GRM5: variants seen among roughly 807,000 people sequenced by gnomAD.
The protein encoded by GRM5 is metabotropic glutamate receptor 5.
In GRM5, 19 loss-of-function variants were observed where a neutral mutation model predicts 83.1. The observed-to-expected ratio is 0.23, with a 90% CI of 0.16 to 0.34. The LOEUF (loss-of-function observed/expected upper bound fraction) is 0.34. Among genes scored for constraint, GRM5 ranks in the 10% least tolerant of loss-of-function variants. GRM5 has a pLI of 1.00. For synonymous variants in GRM5, 675 were observed against 633.6 expected (o/e 1.07, Z -0.98); for missense variants, 1,160 against 1,588.3 (o/e 0.73, Z 4.58).
At chr11:88,984,636 T>C (rs1370763319) in intron 2 of GRM5, 5 of 440,268 alleles carry the variant, frequency 1.1e-5, no homozygotes, top group Non-Finnish European at 1.7e-5. Flanking sequence ...ATTATAAAAT[T>C]AGAATAAATG....
rs150603462 is a variant in GRM5, at chr11:88,736,302, C to T, written c.912-82899G>A. On this transcript the variant is annotated intron_variant, in intron 3 of 9. Transcript: ENST00000305447. ...TTTTGGATACAGAAACTGACTTCTG[C>T]GGGATCTTTGTGTTTTAATGTGCAA... 1.5e-4 allele frequency among the ~76,000 whole-genome samples: 23 copies of T among 152,118 alleles called. 1 individual carries two copies. The East Asian group carries it at 2.5e-3, about 17-fold the overall frequency.
At chr11:88,779,529 A>C (rs1184699992) in intron 3 of GRM5, among the ~76,000 whole-genome samples, 1 of 152,156 alleles carries the variant, frequency 6.6e-6, no homozygotes, top group Non-Finnish European at 1.5e-5. Context: ...AAATTTCAAT[A>C]ACAGAATTTT....
chr11:88,937,945 T>C (rs1590979254), intron 2 of GRM5, among the ~76,000 whole-genome samples: 1 of 151,808 alleles, frequency 6.6e-6, no homozygotes, highest in East Asian at 1.9e-4. Flanking sequence ...CACAGTTGAA[T>C]TAAAATAAAA....
chr11:88,960,783 A>G (rs1360266462), intron 2 of GRM5, among the ~76,000 whole-genome samples: 1 of 152,222 alleles, frequency 6.6e-6, no homozygotes, highest in African/African-American at 2.4e-5. Context: ...CACTAAAATA[A>G]CATCACAGAT....
At chr11:88,843,523 C>A (rs1278488451) in intron 3 of GRM5, among the ~76,000 whole-genome samples, 3 of 152,214 alleles carry the variant, frequency 2.0e-5, no homozygotes, top group African/African-American at 7.2e-5. Context: ...GCTGTACTTC[C>A]GTCTCTCTCC....
At chr11:88,614,030 C>A (rs569299325) in intron 4 of GRM5, among the ~76,000 whole-genome samples, 1 of 152,178 alleles carries the variant, frequency 6.6e-6, no homozygotes, top group Non-Finnish European at 1.5e-5. Context: ...TGAGGCCACA[C>A]TTATGTGCTT....
At chr11:88,817,150 T>A (rs1480604849) in intron 3 of GRM5, among the ~76,000 whole-genome samples, 1 of 152,142 alleles carries the variant, frequency 6.6e-6, no homozygotes, top group Non-Finnish European at 1.5e-5. Context: ...AAAATTTGGC[T>A]CATATAGTTG....
intron 3 of GRM5, among the ~76,000 whole-genome samples, chr11:88,784,740 A>G (rs1003070009): frequency 2.6e-5 from 4 of 152,052 alleles, no homozygotes; most frequent in Non-Finnish European, 5.9e-5. Context: ...GATTCCATAA[A>G]TGCAGGATTT....
chr11:88,973,604 C>T (rs999730271), intron 2 of GRM5, among the ~76,000 whole-genome samples: 1 of 152,128 alleles, frequency 6.6e-6, no homozygotes, highest in Admixed American at 6.6e-5. Context: ...CTGGAGGAGA[C>T]CCCCATCCTG....
At chr11:89,020,904 A>G (rs1236695439) in intron 2 of GRM5, among the ~76,000 whole-genome samples, 1 of 152,230 alleles carries the variant, frequency 6.6e-6, no homozygotes, top group Non-Finnish European at 1.5e-5. Flanking sequence ...TAGTGAGATT[A>G]GTGCTTTCTA....
At chr11:88,560,493 G>C (rs11020412) in intron 8 of GRM5, among the ~76,000 whole-genome samples, 6 of 152,064 alleles carry the variant, frequency 3.9e-5, no homozygotes, top group Admixed American at 3.9e-4. Flanking sequence ...CTGCTGAGTA[G>C]GCATTCAATG....
At chr11:89,016,008 C>T (rs1341520681) in intron 2 of GRM5, among the ~76,000 whole-genome samples, 2 of 151,820 alleles carry the variant, frequency 1.3e-5, no homozygotes, top group Non-Finnish European at 2.9e-5. Context: ...GAGCAGATTG[C>T]AGATATTGAA....
At chr11:88,603,102 T>C (rs1323023905) in intron 5 of GRM5, among the ~76,000 whole-genome samples, 1 of 152,166 alleles carries the variant, frequency 6.6e-6, no homozygotes, top group Non-Finnish European at 1.5e-5. Context: ...CTTGAAAGAA[T>C]AGCTATACAT....
At chr11:88,635,683 G>A (rs1276552106) in intron 4 of GRM5, among the ~76,000 whole-genome samples, 2 of 152,050 alleles carry the variant, frequency 1.3e-5, no homozygotes, top group African/African-American at 2.4e-5. Flanking sequence ...GAGCTTTCTA[G>A]TTTGATTAAA....
rs943521461 is a variant in GRM5 at position 88,624,098 on chromosome 11, C to T, written c.1148-19134G>A. 2.6e-5 allele frequency among the ~76,000 whole-genome samples: 4 copies of T among 152,208 alleles called. 1 individual carries two copies. In the South Asian group the frequency reaches 8.3e-4, roughly 32 times the overall value. ...TTGGCTCTATTCAGTGTTTGATGGG[C>T]TTGTATGAAGGCCTATAGTCCAAGA... On this transcript the variant is annotated intron_variant, in intron 4 of 9. Transcript: ENST00000305447.
intron 9 of GRM5, among the ~76,000 whole-genome samples, chr11:88,525,042 A>G (rs951027535): frequency 1.3e-5 from 2 of 152,198 alleles, no homozygotes; most frequent in Admixed American, 1.3e-4. Context: ...AACCCAGAGG[A>G]GGACTGACTG....
intron 8 of GRM5, among the ~76,000 whole-genome samples, chr11:88,543,840 A>T (rs1942328849): frequency 6.6e-6 from 1 of 152,122 alleles, no homozygotes; most frequent in South Asian, 2.1e-4. Flanking sequence ...CATCTAGCCC[A>T]TAGCAGATAA....
chr11:88,856,232 T>C (rs577153312), intron 2 of GRM5, among the ~76,000 whole-genome samples: 14 of 152,254 alleles, frequency 9.2e-5, no homozygotes, highest in Admixed American at 2.6e-4. Flanking sequence ...CAACTACTAG[T>C]GAAGTAAAAT....
At chr11:88,659,730 A>G (rs1488491643) in intron 3 of GRM5, among the ~76,000 whole-genome samples, 2 of 152,202 alleles carry the variant, frequency 1.3e-5, no homozygotes, top group Non-Finnish European at 2.9e-5. Flanking sequence ...AAACCTCCTG[A>G]GTGCTATATG....
Sources: allele counts gnomAD v4.1 joint callset (sites outside exome capture counted in the v4.1 genomes callset), GRCh38; gene constraint gnomAD v4.1.1; transcripts MANE v1.5; gene names NCBI Gene and HGNC (gene_info 2026-07-23, HGNC 2026-07-21).